The following RASSF3 variants were observed in gnomAD, a reference collection of about 807,000 sequenced individuals.
RASSF3 encodes the protein Ras association domain family member 3, also known as ras association domain-containing protein 3.
A neutral mutation model predicts 19.9 loss-of-function variants in RASSF3; 19 were observed. The ratio of observed to expected loss-of-function variants is 0.96; its 90% CI spans 0.67 to 1.40. RASSF3 has a LOEUF of 1.40. Ranked by LOEUF, RASSF3 falls within the 40% of genes most tolerant of loss-of-function variation. RASSF3 has a pLI of 0.00. For synonymous variants in RASSF3, 110 were observed against 104.2 expected, an observed-to-expected ratio of 1.06 and a Z score of -0.34; for missense variants, 306 against 289.8, an observed-to-expected ratio of 1.06 and a Z score of -0.41.
intron 1 of RASSF3, among the ~76,000 whole-genome samples, chr12:64,612,478 T>TG (rs1870404440): frequency 6.9e-6 from 1 of 144,522 alleles, no homozygotes; most frequent in African/African-American, 2.5e-5. Flanking sequence ...ATTTAGCGTT[T>TG]CTTTTTTTTT....
intron 1 of RASSF3, among the ~76,000 whole-genome samples, chr12:64,677,703 A>G (rs1183501051): frequency 6.6e-6 from 1 of 152,238 alleles, no homozygotes; most frequent in Non-Finnish European, 1.5e-5. Flanking sequence ...TGAGCAGGAC[A>G]TGCTCCCCAC....
intron 2 of RASSF3, among the ~76,000 whole-genome samples, chr12:64,572,416 G>C (rs781237571): frequency 2.7e-4 from 41 of 152,128 alleles, no homozygotes; most frequent in Non-Finnish European, 4.7e-4. Flanking sequence ...CAGGAGGAAA[G>C]CCCTCACCAG....
At chr12:64,651,625 G>C (rs973681291) in intron 1 of RASSF3, among the ~76,000 whole-genome samples, 2 of 152,162 alleles carry the variant, frequency 1.3e-5, no homozygotes, top group African/African-American at 4.8e-5. Flanking sequence ...CTCCCAGAGT[G>C]CTGGGATTAC....
chr12:64,662,832 T>C (rs1872416179), intron 1 of RASSF3, among the ~76,000 whole-genome samples: 1 of 152,104 alleles, frequency 6.6e-6, no homozygotes, highest in African/African-American at 2.4e-5. Context: ...AGAAGGTGGA[T>C]TCTGGATCTT....
chr12:64,574,115 C>A (rs1292741749), intron 2 of RASSF3, among the ~76,000 whole-genome samples: 4 of 151,124 alleles, frequency 2.6e-5, no homozygotes, highest in Non-Finnish European at 5.9e-5. Context: ...CCAACCTGGC[C>A]AACATGGTGA....
At chr12:64,671,272 C>A (rs1295161668) in intron 1 of RASSF3, among the ~76,000 whole-genome samples, 3 of 152,102 alleles carry the variant, frequency 2.0e-5, no homozygotes, top group Non-Finnish European at 2.9e-5. Flanking sequence ...GTACGTGAAC[C>A]CTCGAAGACT....
rs80151561 is a variant in RASSF3, at chr12:64,588,067, A to G, written c.294+46362A>G. Among the ~76,000 whole-genome samples the G allele has an allele frequency of 9.2e-3, 1,400 of 152,296 alleles. 13 individuals are homozygous for G. The highest frequency in any genetic ancestry group is 0.037 in the Middle Eastern group (11 of 294). On this transcript the variant is annotated intron_variant, in intron 2 of 5. Coordinates refer to the RASSF3 transcript ENST00000637125. Reference sequence around the variant, plus strand: ...AGAAGGAATAATATCATAGGGAATCATTCTTTACATCCCCCCACAACCTTT... The same window carrying G: ...AGAAGGAATAATATCATAGGGAATCGTTCTTTACATCCCCCCACAACCTTT...
At chr12:64,615,258 A>G (rs1409632387) in intron 1 of RASSF3, among the ~76,000 whole-genome samples, 2 of 152,250 alleles carry the variant, frequency 1.3e-5, no homozygotes, top group African/African-American at 4.8e-5. Context: ...ATAATCTGTC[A>G]GAGTGTGTCT....
intron 1 of RASSF3, among the ~76,000 whole-genome samples, chr12:64,680,876 T>C (rs989613154): frequency 6.6e-6 from 1 of 152,180 alleles, no homozygotes; most frequent in Non-Finnish European, 1.5e-5. Flanking sequence ...CCTCCCAAAG[T>C]GCTGGGATTA....
chr12:64,615,066 AT>A (rs1870505934), intron 1 of RASSF3, among the ~76,000 whole-genome samples: 1 of 152,132 alleles, frequency 6.6e-6, no homozygotes, highest in South Asian at 2.1e-4. Context: ...GTATTTGTGG[AT>A]TCACGTATTT....
At chr12:64,567,000 C>T (rs564173045) in intron 2 of RASSF3, among the ~76,000 whole-genome samples, 12 of 152,236 alleles carry the variant, frequency 7.9e-5, no homozygotes, top group South Asian at 4.1e-4. Flanking sequence ...TCAGCAAACG[C>T]GGTGGTTCAC....
downstream of RASSF3, among the ~76,000 whole-genome samples, chr12:64,544,739 A>AATATTT (rs1359046640): frequency 6.6e-6 from 1 of 152,216 alleles, no homozygotes; most frequent in Non-Finnish European, 1.5e-5. Context: ...ACTAGGCAGC[A>AATATTT]ATATTTATCC....
intron 1 of RASSF3, among the ~76,000 whole-genome samples, chr12:64,662,847 G>A (rs1158760785): frequency 6.6e-6 from 1 of 152,138 alleles, no homozygotes; most frequent in African/African-American, 2.4e-5. Context: ...GATCTTGCCT[G>A]GCTGGGAATG....
chr12:64,541,594 A>T (rs1298182487), exon 2 of RASSF3: 1 of 398,478 alleles, frequency 2.5e-6, no homozygotes, highest in Admixed American at 4.4e-5. Context: ...GTAAATATAT[A>T]TGTCATGCTC....
chr12:64,606,302 G>C (rs1348985296), upstream of RASSF3, among the ~76,000 whole-genome samples: 1 of 152,100 alleles, frequency 6.6e-6, no homozygotes, highest in Non-Finnish European at 1.5e-5. Context: ...CTTTTCCCGA[G>C]GGGATTCTTG....
At chr12:64,598,642 A>G (rs972673273) in intron 2 of RASSF3, among the ~76,000 whole-genome samples, 1 of 152,198 alleles carries the variant, frequency 6.6e-6, no homozygotes, top group Non-Finnish European at 1.5e-5. Context: ...TCTTACTTGT[A>G]TTTATTAAGA....
At chr12:64,691,763 G>A (rs1868288693) in intron 4 of RASSF3, among the ~76,000 whole-genome samples, 184 bp downstream of exon 4, 2 of 152,220 alleles carry the variant, frequency 1.3e-5, no homozygotes, top group South Asian at 4.1e-4. Flanking sequence ...TGTCAGAAAT[G>A]AACCCAAAGT....
intron 2 of RASSF3, among the ~76,000 whole-genome samples, chr12:64,551,546 A>G (rs1200891943): frequency 2.0e-5 from 3 of 152,152 alleles, no homozygotes; most frequent in Non-Finnish European, 4.4e-5. Flanking sequence ...ACTGCACTCC[A>G]ATCTGGGAGA....
At chr12:64,545,244 G>A (rs1307113232), downstream of RASSF3, among the ~76,000 whole-genome samples, 1 of 152,166 alleles carries the variant, frequency 6.6e-6, no homozygotes, top group Non-Finnish European at 1.5e-5. Flanking sequence ...CAGCTCTAGG[G>A]AGAATGAATA....
Sources: allele counts gnomAD v4.1 joint callset (sites outside exome capture counted in the v4.1 genomes callset), GRCh38; gene constraint gnomAD v4.1.1; transcripts MANE v1.5; gene names NCBI Gene and HGNC (gene_info 2026-07-23, HGNC 2026-07-21).